TOMM70: variants seen among roughly 807,000 people sequenced by gnomAD.
The protein encoded by TOMM70 is translocase of outer mitochondrial membrane 70, also known as mitochondrial import receptor subunit TOM70.
A neutral mutation model predicts 73.6 loss-of-function variants in TOMM70; 13 were observed. The observed-to-expected ratio is 0.18, with a 90% confidence interval of 0.11 to 0.28. TOMM70 has a LOEUF of 0.28. Among genes scored for constraint, TOMM70 ranks in the 10% least tolerant of loss-of-function variants. The pLI is 1.00. For synonymous variants in TOMM70, 257 were observed against 271.2 expected, an observed-to-expected ratio of 0.95 and a Z score of 0.51; for missense variants, 609 against 747.5, an observed-to-expected ratio of 0.81 and a Z score of 2.16.
At position 100,381,701 on chromosome 3, in the gene TOMM70, A is replaced by T; in HGVS notation, c.798T>A (p.Asp266Glu). The stretch of plus-strand genomic sequence containing the variant: ...TAAGCATGGGCTGGGAAATGATATC[A>T]TCCGTGAAAGAACTGAAGTAAGATT... ...FIKSYFSSFT[D>E]DIISQPMLKG... is the part of the protein sequence containing the mutation. The change falls in exon 5 of 12, where the codon GAT becomes GAA. Residue 266 changes from aspartate to glutamate, a missense_variant. This residue lies in a region of TOMM70 where 432 missense variants were observed against 584.1 expected (regional missense o/e 0.74). Transcript: ENST00000284320. 1 of 1,612,912 alleles carries T rather than the reference A, an allele frequency of 6.2e-7. No homozygotes were observed. The highest frequency in any genetic ancestry group is 8.5e-7 in the Non-Finnish European group (1 of 1,179,344).
At chr3:100,398,767 G>C (rs1018601048) in intron 1 of TOMM70, among the ~76,000 whole-genome samples, 9 of 152,290 alleles carry the variant, frequency 5.9e-5, no homozygotes, top group African/African-American at 1.9e-4. Flanking sequence ...GACAATGCTG[G>C]AGAGCCCACT....
chr3:100,384,887 A>G (rs1269731090), intron 3 of TOMM70, among the ~76,000 whole-genome samples: 1 of 152,024 alleles, frequency 6.6e-6, no homozygotes, highest in Admixed American at 6.6e-5. Context: ...CTGGCTAGCA[A>G]CTCTAAGGCA....
At chr3:100,384,436 A>G (rs2148892386) in intron 4 of TOMM70, 43 bp downstream of exon 4, 1 of 1,382,984 alleles carries the variant, frequency 7.2e-7, no homozygotes, top group East Asian at 2.3e-5. Context: ...ACCCTTCACA[A>G]TGTACACAGT....
At position 100,384,536 on chromosome 3, in the gene TOMM70, C is replaced by T; in HGVS notation, c.678G>A (p.Leu226=). The T allele has an allele frequency of 6.2e-7, 1 of 1,610,996 alleles. No individual in the cohort carries two copies. Among genetic ancestry groups the T allele is most frequent in the South Asian group, 1.1e-5 (1 of 90,718 alleles). ...GGAGTTTAAGAACTTTATCGGCTAACAGCATGCTTTGTTGATTTTGGAACC... is the reference window on the plus strand; with the variant it reads ...GGAGTTTAAGAACTTTATCGGCTAATAGCATGCTTTGTTGATTTTGGAACC... ...LEGFQNQQSM[L]LADKVLKLLG... The change falls in exon 4 of 12, where the codon CTG becomes CTA. Residue 226 remains leucine, a synonymous_variant. Coordinates refer to ENST00000284320, the MANE Select transcript of TOMM70 (RefSeq NM_014820.5).
chr3:100,396,456 A>G (rs939435477), intron 1 of TOMM70, among the ~76,000 whole-genome samples: 3 of 152,212 alleles, frequency 2.0e-5, no homozygotes, highest in Non-Finnish European at 2.9e-5. Flanking sequence ...AAAAGTTACA[A>G]TGAAGTCAAT....
chr3:100,380,435 A>C (rs1195716283), intron 5 of TOMM70, among the ~76,000 whole-genome samples: 1 of 152,220 alleles, frequency 6.6e-6, no homozygotes, highest in Non-Finnish European at 1.5e-5. Context: ...CTAGTTATTT[A>C]TAAGCATGAT....
Position 100,365,383 on chromosome 3 carries a change from C to A in TOMM70, c.*181G>T. 1.2e-6 allele frequency: 1 copy of A among 804,506 alleles called. No individual in the cohort carries two copies. The highest frequency in any genetic ancestry group is 2.7e-5 in the East Asian group (1 of 37,110). 49.8% of individuals were successfully genotyped at this position (804,506 alleles called of 1,614,324 possible). A position where few individuals can be genotyped will look rare whatever the true frequency, so the allele number is the denominator to read the frequency against. On this transcript the variant is annotated 3_prime_UTR_variant, in exon 12 of 12. Coordinates refer to ENST00000284320, the MANE Select transcript of TOMM70 (RefSeq NM_014820.5). The stretch of plus-strand genomic sequence containing the variant: ...ACAGGGAATAAAAGCTGCAAGACTG[C>A]AAACTTCCTTCAACAGCCACACCCA...
Position 100,364,346 on chromosome 3 carries a change from A to C in TOMM70, c.*1218T>G, listed in dbSNP as rs1481977244. Reference sequence around the variant, plus strand: ...AAAATAAGTGGCTCAAAATTCCTTAAGCACATGTAGCCATAGTTAAAGCAC... The same window carrying C: ...AAAATAAGTGGCTCAAAATTCCTTACGCACATGTAGCCATAGTTAAAGCAC... On this transcript the variant is annotated 3_prime_UTR_variant, in exon 12 of 12. Transcript: ENST00000284320. 3 of 152,218 alleles carry C rather than the reference A, an allele frequency of 2.0e-5. No individual in the cohort carries two copies. Among genetic ancestry groups the C allele is most frequent in the African/African-American group, 7.2e-5 (3 of 41,448 alleles). 9.4% of individuals were successfully genotyped at this position (152,218 alleles called of 1,614,324 possible).
At chr3:100,372,527 T>C in intron 9 of TOMM70, 79 bp downstream of exon 9, 5 of 1,151,878 alleles carry the variant, frequency 4.3e-6, no homozygotes, top group South Asian at 1.4e-5. Flanking sequence ...GCAACCATGA[T>C]AGCACTGTTT....
chr3:100,383,405 C>T (rs1027098037), intron 4 of TOMM70, among the ~76,000 whole-genome samples: 1 of 151,960 alleles, frequency 6.6e-6, no homozygotes, highest in Non-Finnish European at 1.5e-5. Flanking sequence ...TGCCTGTAGT[C>T]CCAGCTACTT....
At chr3:100,398,184 G>A (rs1211160719) in intron 1 of TOMM70, among the ~76,000 whole-genome samples, 7 of 151,808 alleles carry the variant, frequency 4.6e-5, no homozygotes, top group African/African-American at 1.7e-4. Flanking sequence ...AGGGGTTTGA[G>A]ACCAGCCTGG....
At position 100,384,160 on chromosome 3, in the gene TOMM70, G is replaced by C. The variant is rs529482693; in HGVS notation, c.735+319C>G. Among the ~76,000 whole-genome samples, 8 of 152,304 alleles carry C rather than the reference G, an allele frequency of 5.3e-5. No homozygotes were observed. The East Asian group carries it at 1.3e-3, about 26-fold the overall frequency. On this transcript the variant is annotated intron_variant, in intron 4 of 11. Coordinates refer to ENST00000284320, the MANE Select transcript of TOMM70 (RefSeq NM_014820.5). Reference sequence around the variant, plus strand: ...TCAACTCCGCTGTTGTATCTCAAAGGCAGCTGAAAACAACATGTGACTGAA... The same window carrying C: ...TCAACTCCGCTGTTGTATCTCAAAGCCAGCTGAAAACAACATGTGACTGAA...
chr3:100,399,281 A>C (rs1261772434), intron 1 of TOMM70, among the ~76,000 whole-genome samples: 8 of 151,782 alleles, frequency 5.3e-5, no homozygotes, highest in Middle Eastern at 3.4e-3. Context: ...TCCATCTCAA[A>C]AAAAAAAAAA....
chr3:100,365,238 T>A lies in TOMM70; in HGVS notation c.*326A>T, dbSNP rs577147038. On this transcript the variant is annotated 3_prime_UTR_variant, in exon 12 of 12. Transcript: ENST00000284320. ...CGGAATCATCCAGAACATAATCAAC[T>A]GCCAACCCCCCTTAAAAAAAAAATC... is the stretch of plus-strand genomic sequence containing the variant. 2 of 238,904 alleles carry A rather than the reference T, an allele frequency of 8.4e-6. No individual in the cohort carries two copies. The highest frequency in any genetic ancestry group is 2.3e-5 in the African/African-American group (1 of 42,948). 14.8% of individuals were successfully genotyped at this position (238,904 alleles called of 1,614,324 possible). A position where few individuals can be genotyped will look rare whatever the true frequency, so the allele number is the denominator to read the frequency against.
rs1365109525 is a variant in TOMM70 at position 100,363,444 on chromosome 3, AAAG to A, written c.*2117_*2119del. The A allele has an allele frequency of 6.6e-6, 1 of 152,604 alleles. No homozygotes were observed. The highest frequency in any genetic ancestry group is 2.4e-5 in the African/African-American group (1 of 41,444). The allele number at this position is 152,604 out of a possible 1,614,324, so 9.5% of individuals were successfully genotyped here. A position where few individuals can be genotyped will look rare whatever the true frequency, so the allele number is the denominator to read the frequency against. ...GCCTAAACTACCTATCTTTCTATTT[AAAG>A]AATAGATAGAAGAGCTTGAATGTAA... On this transcript the variant is annotated 3_prime_UTR_variant, in exon 12 of 12. Transcript: ENST00000284320.
chr3:100,400,517 T>C, intron 1 of TOMM70, 109 bp downstream of exon 1: 1 of 1,305,000 alleles, frequency 7.7e-7, no homozygotes, highest in Non-Finnish European at 1.1e-6. Flanking sequence ...AGTGTTGTGC[T>C]GCCGCTTGGC....
intron 6 of TOMM70, among the ~76,000 whole-genome samples, chr3:100,376,312 T>G (rs1283321483): frequency 5.9e-5 from 9 of 152,042 alleles, no homozygotes; most frequent in Admixed American, 4.6e-4. Context: ...TTGTGAATAT[T>G]TTTCCCATGT....
At chr3:100,397,162 G>A (rs952815465) in intron 1 of TOMM70, among the ~76,000 whole-genome samples, 1 of 152,152 alleles carries the variant, frequency 6.6e-6, no homozygotes, top group Non-Finnish European at 1.5e-5. Context: ...AAATGCTTCT[G>A]GTTGCGAAAT....
chr3:100,395,629 T>C (rs1004326496), intron 1 of TOMM70, among the ~76,000 whole-genome samples: 1 of 151,624 alleles, frequency 6.6e-6, no homozygotes, highest in African/African-American at 2.4e-5. Flanking sequence ...GCTGGAAAAT[T>C]TGAAAAATAT....
Sources: gnomAD v4.1 joint callset for allele counts (sites outside exome capture counted in the v4.1 genomes callset) on GRCh38, gnomAD v4.1.1 for gene constraint, gnomAD v4.1.1 regional missense constraint, MANE v1.5 for transcripts, NCBI Gene and HGNC (gene_info 2026-07-23, HGNC 2026-07-21) for gene names.